Variants in FRMPD4 observed in about 807,000 individuals in gnomAD.
FRMPD4 encodes the protein FERM and PDZ domain-containing protein 4.
In FRMPD4, 22 loss-of-function variants were observed where a neutral mutation model predicts 94.1. The ratio of observed to expected loss-of-function variants is 0.23; its 90% CI spans 0.17 to 0.33. FRMPD4 has a LOEUF of 0.33. FRMPD4 is among the 10% of genes least tolerant of loss of function. The probability of loss-of-function intolerance (pLI) is 1.00; values close to 1 mark genes in which losing one functional copy is unlikely to be tolerated. For synonymous variants in FRMPD4, 631 were observed against 548.6 expected, an observed-to-expected ratio of 1.15 and a Z score of -2.10; for missense variants, 1,111 against 1,339.9, an observed-to-expected ratio of 0.83 and a Z score of 2.67.
At chrX:11,981,807 C>G (rs944585003) in intron 3 of FRMPD4, among the ~76,000 whole-genome samples, 3 of 111,322 alleles carry the variant, frequency 2.7e-5, no homozygotes, top group Non-Finnish European at 5.7e-5. Flanking sequence ...TGAATTATAT[C>G]TATTTTGACT....
At chrX:11,873,758 A>G (rs945409431) in intron 2 of FRMPD4, among the ~76,000 whole-genome samples, 2 of 110,460 alleles carry the variant, frequency 1.8e-5, no homozygotes, top group Admixed American at 9.6e-5. Context: ...TAAAATTTAT[A>G]TGGAAATAGA....
At chrX:12,165,844 C>T (rs1208263785) in intron 1 of FRMPD4, among the ~76,000 whole-genome samples, 1 of 110,952 alleles carries the variant, frequency 9.0e-6, no homozygotes, top group East Asian at 2.8e-4. Flanking sequence ...TGATTTGGCT[C>T]TCTGTTTGTC....
intron 1 of FRMPD4, among the ~76,000 whole-genome samples, chrX:12,425,776 G>T (rs775591055): frequency 8.9e-6 from 1 of 112,200 alleles, no homozygotes; most frequent in East Asian, 2.8e-4. Flanking sequence ...TTGATGTGCT[G>T]TTACTCAATA....
chrX:12,229,439 T>C (rs1374087851), intron 1 of FRMPD4, among the ~76,000 whole-genome samples: 1 of 111,790 alleles, frequency 8.9e-6, no homozygotes, highest in Non-Finnish European at 1.9e-5. Context: ...TGGTACATAA[T>C]GCATGCTCTT....
intron 3 of FRMPD4, among the ~76,000 whole-genome samples, chrX:11,966,337 C>T (rs767488746): frequency 9.0e-6 from 1 of 110,997 alleles, no homozygotes; most frequent in South Asian, 3.9e-4. Flanking sequence ...GCTTGTTTGC[C>T]CCTTCTTCCA....
chrX:12,135,872 C>T (rs778443795), upstream of FRMPD4, among the ~76,000 whole-genome samples: 8 of 112,126 alleles, frequency 7.1e-5, no homozygotes, highest in Non-Finnish European at 1.1e-4. Context: ...TCTCCAAAGG[C>T]ACTGTTTTAT....
At chrX:12,684,793 C>T (rs765903780) in intron 6 of FRMPD4, among the ~76,000 whole-genome samples, 1 of 112,360 alleles carries the variant, frequency 8.9e-6, no homozygotes, top group African/African-American at 3.2e-5. Flanking sequence ...GAATATGATT[C>T]TAGAAGCTGC....
intron 1 of FRMPD4, among the ~76,000 whole-genome samples, chrX:12,333,205 GA>G (rs760738595): frequency 8.9e-6 from 1 of 112,087 alleles, no homozygotes; most frequent in African/African-American, 3.2e-5. Flanking sequence ...ACAAACTCTA[GA>G]AATGGGCTAA....
intron 1 of FRMPD4, among the ~76,000 whole-genome samples, chrX:12,426,119 A>G (rs1440136463): frequency 4.4e-5 from 5 of 112,525 alleles, no homozygotes; most frequent in African/African-American, 1.6e-4. Flanking sequence ...TTTTGACAAT[A>G]ACTATCTCTT....
At chrX:11,823,650 G>C (rs2053424444) in intron 1 of FRMPD4, among the ~76,000 whole-genome samples, 2 of 111,801 alleles carry the variant, frequency 1.8e-5, no homozygotes, top group Non-Finnish European at 3.8e-5. Context: ...TGCTGTTGTA[G>C]CACGGAGGCA....
intron 14 of FRMPD4, among the ~76,000 whole-genome samples, chrX:12,711,808 G>A (rs779934935): frequency 1.9e-5 from 2 of 107,378 alleles, no homozygotes; most frequent in African/African-American, 3.4e-5. Flanking sequence ...AAAATGAGGG[G>A]AGAAAAAAAG....
At chrX:12,621,542 T>C (rs113779081) in intron 4 of FRMPD4, among the ~76,000 whole-genome samples, 1,754 of 79,412 alleles carry the variant, frequency 0.022, 65 homozygotes, top group African/African-American at 0.079. Flanking sequence ...GAAATACAGG[T>C]CAGGCGTGGT....
intron 1 of FRMPD4, among the ~76,000 whole-genome samples, chrX:12,334,390 AC>A (rs2055482683): frequency 9.0e-6 from 1 of 111,133 alleles, no homozygotes; most frequent in Admixed American, 9.6e-5. Context: ...TACCTCAATA[AC>A]CTGCCTCAAT....
At chrX:12,556,955 C>T (rs1203835510) in intron 2 of FRMPD4, among the ~76,000 whole-genome samples, 1 of 112,051 alleles carries the variant, frequency 8.9e-6, no homozygotes, top group Non-Finnish European at 1.9e-5. Flanking sequence ...CAGGCACACA[C>T]CACCATTCCT....
chrX:12,371,449 A>G (rs900167545), intron 1 of FRMPD4, among the ~76,000 whole-genome samples: 8 of 112,458 alleles, frequency 7.1e-5, no homozygotes, highest in African/African-American at 2.6e-4. Flanking sequence ...ATTAACCCTT[A>G]TTTTCTAAAC....
chrX:11,983,186 G>C (rs1453479976), intron 3 of FRMPD4, among the ~76,000 whole-genome samples: 1 of 112,161 alleles, frequency 8.9e-6, no homozygotes, highest in Non-Finnish European at 1.9e-5. Flanking sequence ...ATACTTAAGG[G>C]AATTGTTTTA....
chrX:12,455,131 T>G (rs1414168510), intron 1 of FRMPD4, among the ~76,000 whole-genome samples: 1 of 111,035 alleles, frequency 9.0e-6, no homozygotes, highest in Non-Finnish European at 1.9e-5. Flanking sequence ...GCAGGAACTA[T>G]TTATATTATC....
intron 4 of FRMPD4, among the ~76,000 whole-genome samples, chrX:12,636,145 T>A (rs1364943782): frequency 8.9e-6 from 1 of 112,348 alleles, no homozygotes; most frequent in Non-Finnish European, 1.9e-5. Flanking sequence ...CATGGTCTCA[T>A]AAAATAATTT....
At chrX:12,394,736 G>A (rs2056520840) in intron 1 of FRMPD4, among the ~76,000 whole-genome samples, 1 of 111,225 alleles carries the variant, frequency 9.0e-6, no homozygotes, top group Non-Finnish European at 1.9e-5. Context: ...TATCGATAAA[G>A]TATAACATAG....
Sources: gnomAD v4.1 joint callset for allele counts (sites outside exome capture counted in the v4.1 genomes callset) on GRCh38, gnomAD v4.1.1 for gene constraint, MANE v1.5 for transcripts, NCBI Gene and HGNC (gene_info 2026-07-23, HGNC 2026-07-21) for gene names.